The following TUBD1 variants were observed in gnomAD, a reference collection of about 807,000 sequenced individuals.
TUBD1 encodes tubulin delta chain.
In TUBD1, 38 loss-of-function variants were observed where a neutral mutation model predicts 51.2. The ratio of observed to expected loss-of-function variants is 0.74; its 90% CI spans 0.57 to 0.97. The LOEUF is 0.97. TUBD1 is among the 50% of genes least tolerant of loss of function. The probability of loss-of-function intolerance (pLI) is 0.00; values close to 1 mark genes in which losing one functional copy is unlikely to be tolerated. For missense variants in TUBD1, 489 were observed against 538.4 expected, an observed-to-expected ratio of 0.91 and a Z score of 0.91; for synonymous variants, 169 against 178.2, an observed-to-expected ratio of 0.95 and a Z score of 0.41.
Position 59,874,597 on chromosome 17 carries a change from C to T in TUBD1, c.876G>A (p.Trp292Ter). The T allele has an allele frequency of 6.2e-7, 1 of 1,613,554 alleles. No individual in the cohort carries two copies. The highest frequency in any genetic ancestry group is 8.5e-7 in the Non-Finnish European group (1 of 1,179,942). ...ENSLAYTTFT[W>*]AGLLKHLRQM... ...GTCTCAAATGCTTGAGGAGGCCAGC[C>T]CAAGTAAATGTGGTGTATGCCAATG... Residue 292 changes from tryptophan to a stop codon, truncating the protein, a stop_gained, in exon 6 of 9, where the codon TGG (tryptophan) becomes TGA (stop). Coordinates refer to ENST00000325752, the MANE Select transcript of TUBD1 (RefSeq NM_016261.4). LOFTEE classifies it high-confidence loss of function.
rs2040682386 is a variant in TUBD1, at chr17:59,885,505, G to C, written c.320+578C>G. 5 of 1,582,112 alleles carry C rather than the reference G, an allele frequency of 3.2e-6. No individual in the cohort carries two copies. The Admixed American group carries it at 8.4e-5, about 27-fold the overall frequency. On this transcript the variant is annotated intron_variant, in intron 3 of 8. Coordinates refer to ENST00000325752, the MANE Select transcript of TUBD1 (RefSeq NM_016261.4). ...TTACAATAATCTGTACCTGGAACGA[G>C]GCGGTGATCCCTCCAAAGAACCTGA...
intron 7 of TUBD1, among the ~76,000 whole-genome samples, chr17:59,864,447 T>G (rs1323714753): frequency 6.6e-6 from 1 of 152,154 alleles, no homozygotes; most frequent in African/African-American, 2.4e-5. Flanking sequence ...CACTGGTCCC[T>G]TTCTTTTCTG....
At position 59,889,785 on chromosome 17, in the gene TUBD1, C is replaced by T. The variant is rs552035027; in HGVS notation, c.172+1046G>A. On this transcript the variant is annotated intron_variant, in intron 2 of 8. Coordinates refer to ENST00000325752, the MANE Select transcript of TUBD1 (RefSeq NM_016261.4). ...AGGCATTCGAGACCAGCCTGGCCAA[C>T]ATGGCAAAACCCTGTCTCTACTAAA... 2.6e-5 allele frequency among the ~76,000 whole-genome samples: 4 copies of T among 151,372 alleles called. No homozygotes were observed. In the South Asian group the frequency reaches 6.3e-4, roughly 24 times the overall value.
At chr17:59,877,318 A>G (rs1019655779) in intron 5 of TUBD1, among the ~76,000 whole-genome samples, 1 of 152,254 alleles carries the variant, frequency 6.6e-6, no homozygotes, top group Non-Finnish European at 1.5e-5. Context: ...GCCACATGGC[A>G]GACTCGGACC....
chr17:59,860,431 G>GAA lies in TUBD1; in HGVS notation c.1260-9_1260-8dup, dbSNP rs34427733. On this transcript the variant is annotated splice_region_variant and splice_polypyrimidine_tract_variant and intron_variant, in intron 8 of 8. Transcript: ENST00000325752. ...GTACTGATGAATGTAGGCTCTGGTAGAAAAAAAAAAAAAACAGAAATTACA... is the reference window on the plus strand; with the variant it reads ...GTACTGATGAATGTAGGCTCTGGTAGAAAAAAAAAAAAAAAACAGAAATTACA... 9.8e-3 allele frequency: 11,127 copies of GAA among 1,135,770 alleles called. 1 individual carries two copies. Among genetic ancestry groups the GAA allele is most frequent in the South Asian group, 0.019 (1,329 of 69,094 alleles). The allele number at this position is 1,135,770 out of a possible 1,614,324, so 70.4% of individuals were successfully genotyped here.
intron 3 of TUBD1, among the ~76,000 whole-genome samples, chr17:59,881,590 A>T (rs1198307484): frequency 6.6e-6 from 1 of 152,160 alleles, no homozygotes; most frequent in Non-Finnish European, 1.5e-5. Context: ...ATACATGTGT[A>T]ATGATCAAAT....
intron 6 of TUBD1, 62 bp downstream of exon 6, chr17:59,874,477 G>A (rs994335824): frequency 6.5e-7 from 1 of 1,531,680 alleles, no homozygotes; most frequent in African/African-American, 1.4e-5. Context: ...AGTTTATATT[G>A]AGACTCCAGG....
intron 3 of TUBD1, chr17:59,885,617 T>G: frequency 1.1e-6 from 1 of 870,808 alleles, no homozygotes; most frequent in Non-Finnish European, 1.9e-6. Context: ...AAATTTAACC[T>G]TAATGAAATC....
chr17:59,886,019 T>C, intron 3 of TUBD1, 64 bp downstream of exon 3: 1 of 1,549,290 alleles, frequency 6.5e-7, no homozygotes, highest in Non-Finnish European at 8.8e-7. Flanking sequence ...AGTTCTAACT[T>C]TGCTATCTAT....
At chr17:59,872,546 CTGAA>C (rs756474834) in intron 6 of TUBD1, among the ~76,000 whole-genome samples, 58 of 152,210 alleles carry the variant, frequency 3.8e-4, no homozygotes, top group South Asian at 8.3e-4. Context: ...AGGCTCTACT[CTGAA>C]TAATATTTAG....
chr17:59,862,393 T>A (rs1005933486), intron 8 of TUBD1, among the ~76,000 whole-genome samples: 10 of 152,094 alleles, frequency 6.6e-5, no homozygotes, highest in African/African-American at 2.4e-4. Flanking sequence ...TTGACTTAAG[T>A]AACTGTGGTA....
intron 1 of TUBD1, among the ~76,000 whole-genome samples, chr17:59,892,114 T>G (rs929469333): frequency 1.2e-4 from 18 of 152,258 alleles, no homozygotes; most frequent in African/African-American, 4.1e-4. Context: ...TAACATTAAT[T>G]TTCTCTCTTC....
At chr17:59,872,985 A>G (rs938611879) in intron 6 of TUBD1, among the ~76,000 whole-genome samples, 2 of 151,526 alleles carry the variant, frequency 1.3e-5, no homozygotes, top group Non-Finnish European at 2.9e-5. Flanking sequence ...CTGGTCTCGA[A>G]CTCCTGACCT....
chr17:59,889,668 C>CAAAAAAAAAAAAAA (rs1195587619), intron 2 of TUBD1, among the ~76,000 whole-genome samples: 1 of 54,174 alleles, frequency 1.8e-5, no homozygotes, highest in Non-Finnish European at 3.6e-5. Context: ...GACTCTGTCT[C>CAAAAAAAAAAAAAA]AAAAAAAAAA....
Position 59,863,746 on chromosome 17 carries a change from C to A in TUBD1, c.1177G>T (p.Ala393Ser), listed in dbSNP as rs2039571896. The A allele has an allele frequency of 1.2e-6, 2 of 1,610,594 alleles. No homozygotes were observed. Among genetic ancestry groups the A allele is most frequent in the African/African-American group, 1.3e-5 (1 of 74,686 alleles). ...AACTGGCTGTTGCTGACCAACACTGCAGACTTCTCATATTTGCTAAAGGCC... is the reference window on the plus strand; with the variant it reads ...AACTGGCTGTTGCTGACCAACACTGAAGACTTCTCATATTTGCTAAAGGCC... ...QRAFSKYEKS[A>S]VLVSNSQFLV... Residue 393 changes from alanine to serine, a missense_variant, in exon 8 of 9, where the codon GCA becomes TCA. By Grantham distance (99) the Ala-to-Ser change is moderately conservative. Coordinates refer to ENST00000325752, the MANE Select transcript of TUBD1 (RefSeq NM_016261.4).
At chr17:59,881,737 C>T (rs1598557141) in intron 3 of TUBD1, among the ~76,000 whole-genome samples, 1 of 151,804 alleles carries the variant, frequency 6.6e-6, no homozygotes, top group Admixed American at 6.6e-5. Context: ...AGTACAATGG[C>T]GCGATCTCGG....
intron 4 of TUBD1, among the ~76,000 whole-genome samples, chr17:59,879,773 A>T (rs1354802347): frequency 6.7e-6 from 1 of 149,740 alleles, no homozygotes. Context: ...TTTTTTTAAG[A>T]CGGGAGTCTT....
In TUBD1 at chr17:59,878,094, G is replaced by T. The variant is rs558493367; in HGVS notation, c.769+9C>A. ...CTTTCCTATAATTAACGTATAGAGGGACAAATACCTAGTGGATTTCGTCTG... is the reference window on the plus strand; with the variant it reads ...CTTTCCTATAATTAACGTATAGAGGTACAAATACCTAGTGGATTTCGTCTG... On this transcript the variant is annotated intron_variant, in intron 5 of 8. Transcript: ENST00000325752. 3.7e-6 allele frequency: 6 copies of T among 1,606,472 alleles called. No individual in the cohort carries two copies. In the South Asian group the frequency reaches 6.6e-5, roughly 18 times the overall value.
chr17:59,871,508 T>C (rs2039982589), intron 6 of TUBD1, among the ~76,000 whole-genome samples: 1 of 152,228 alleles, frequency 6.6e-6, no homozygotes, highest in South Asian at 2.1e-4. Context: ...AGAATGAAGA[T>C]ATTTGTAGCC....
Sources: gnomAD v4.1 joint callset for allele counts (sites outside exome capture counted in the v4.1 genomes callset) on GRCh38, gnomAD v4.1.1 for gene constraint, MANE v1.5 for transcripts, NCBI Gene and HGNC (gene_info 2026-07-23, HGNC 2026-07-21) for gene names.